Variants in CAST observed in about 807,000 individuals in gnomAD.
The protein encoded by CAST is calpastatin.
CAST carries 76 observed loss-of-function variants against 119.6 expected under a neutral mutation model. The ratio of observed to expected loss-of-function variants is 0.64; its 90% CI spans 0.53 to 0.77. The LOEUF (loss-of-function observed/expected upper bound fraction) is 0.77. Among genes scored for constraint, CAST ranks in the 30% least tolerant of loss-of-function variants. The pLI is 0.00. For synonymous variants in CAST, 319 were observed against 331.6 expected, an observed-to-expected ratio of 0.96 and a Z score of 0.41; for missense variants, 953 against 946.5, an observed-to-expected ratio of 1.01 and a Z score of -0.09.
the CAST span, among the ~76,000 whole-genome samples, chr5:96,348,008 G>A: frequency 6.6e-6 from 1 of 152,078 alleles, no homozygotes; most frequent in Admixed American, 6.6e-5. Context: ...GACAGAAATC[G>A]AGTTTCAAAA....
At chr5:96,275,206 A>T in the CAST span, among the ~76,000 whole-genome samples, 2 of 152,214 alleles carry the variant, frequency 1.3e-5, no homozygotes, top group Non-Finnish European at 2.9e-5. Flanking sequence ...GCCGTATTTG[A>T]ACTCATCCCC....
At chr5:96,472,167 C>T in the CAST span, among the ~76,000 whole-genome samples, 1 of 152,096 alleles carries the variant, frequency 6.6e-6, no homozygotes, top group Admixed American at 6.6e-5. Flanking sequence ...GTAGAAAGAC[C>T]TTTCAGCAGA....
At chr5:96,454,390 A>C in the CAST span, among the ~76,000 whole-genome samples, 1 of 152,234 alleles carries the variant, frequency 6.6e-6, no homozygotes, top group Non-Finnish European at 1.5e-5. Flanking sequence ...CTACACTGCT[A>C]CTTTTATGTT....
intron 4 of CAST, among the ~76,000 whole-genome samples, chr5:96,723,120 G>T (rs547031994): frequency 1.4e-4 from 21 of 151,656 alleles, no homozygotes; most frequent in South Asian, 4.2e-4. Context: ...TTGTTTTTTT[G>T]TTTGTTTGTT....
At chr5:96,768,365 T>G (rs769527218) in intron 29 of CAST, 2 of 453,474 alleles carry the variant, frequency 4.4e-6, no homozygotes, top group South Asian at 3.2e-5. Context: ...ATTACAGGCT[T>G]GAGCCACTGC....
chr5:96,245,688 G>T, the CAST span, among the ~76,000 whole-genome samples: 9 of 151,732 alleles, frequency 5.9e-5, no homozygotes, highest in Non-Finnish European at 5.9e-5. Flanking sequence ...AGCATAACTA[G>T]GCTTTGGTTC....
At chr5:96,340,206 G>A in the CAST span, among the ~76,000 whole-genome samples, 1 of 152,138 alleles carries the variant, frequency 6.6e-6, no homozygotes, top group Non-Finnish European at 1.5e-5. Context: ...TCTAATTTGC[G>A]CTGTTGTCTT....
At chr5:96,503,882 T>A in the CAST span, among the ~76,000 whole-genome samples, 13 of 152,030 alleles carry the variant, frequency 8.6e-5, no homozygotes, top group Non-Finnish European at 1.9e-4. Context: ...TTCCTGACAT[T>A]AACGAGCTTC....
the CAST span, among the ~76,000 whole-genome samples, chr5:96,225,666 G>A: frequency 6.6e-6 from 1 of 152,274 alleles, no homozygotes; most frequent in South Asian, 2.1e-4. Flanking sequence ...TTCTCTATCT[G>A]AGATGATTTT....
At chr5:96,077,051 C>G in the CAST span, among the ~76,000 whole-genome samples, 1 of 151,608 alleles carries the variant, frequency 6.6e-6, no homozygotes, top group Non-Finnish European at 1.5e-5. Flanking sequence ...GTCTTATTAA[C>G]AATTGCTTCT....
chr5:96,576,398 G>T (rs1275295457), intron 1 of CAST, among the ~76,000 whole-genome samples: 1 of 152,144 alleles, frequency 6.6e-6, no homozygotes. Flanking sequence ...AGGCTGGAGT[G>T]CAGTGGCACA....
At chr5:96,187,331 T>A in the CAST span, among the ~76,000 whole-genome samples, 2 of 152,176 alleles carry the variant, frequency 1.3e-5, no homozygotes, top group African/African-American at 2.4e-5. Context: ...GGGTTTTTCA[T>A]GTCTCTGTCT....
the CAST span, among the ~76,000 whole-genome samples, chr5:96,212,975 C>T: frequency 3.3e-5 from 5 of 151,940 alleles, no homozygotes; most frequent in African/African-American, 7.3e-5. Context: ...ATAAATTAGC[C>T]GGGCATGGTG....
chr5:96,540,378 T>G (rs1745890297), intron 1 of CAST, among the ~76,000 whole-genome samples: 1 of 152,148 alleles, frequency 6.6e-6, no homozygotes, highest in Admixed American at 6.5e-5. Flanking sequence ...TTTCAGATTT[T>G]GTATGTCTGA....
At chr5:96,289,249 T>G in the CAST span, among the ~76,000 whole-genome samples, 1 of 152,200 alleles carries the variant, frequency 6.6e-6, no homozygotes, top group Non-Finnish European at 1.5e-5. Context: ...TTGCCTTGTG[T>G]TCAACAAAGA....
At chr5:96,683,745 A>C (rs990691937) in intron 2 of CAST, among the ~76,000 whole-genome samples, 1 of 152,162 alleles carries the variant, frequency 6.6e-6, no homozygotes, top group Non-Finnish European at 1.5e-5. Context: ...TTATTTTCCT[A>C]TGTGGAATGT....
At chr5:96,291,992 A>G in the CAST span, among the ~76,000 whole-genome samples, 2 of 152,030 alleles carry the variant, frequency 1.3e-5, no homozygotes, top group Non-Finnish European at 2.9e-5. Context: ...TAGGCATTTG[A>G]AAGCCAAACC....
At chr5:96,342,383 T>C in the CAST span, among the ~76,000 whole-genome samples, 10 of 152,222 alleles carry the variant, frequency 6.6e-5, no homozygotes, top group African/African-American at 1.9e-4. Context: ...AACAGAGTGC[T>C]GGGCCCACCC....
intron 1 of CAST, among the ~76,000 whole-genome samples, chr5:96,639,208 GC>G (rs2150203014): frequency 1.3e-5 from 2 of 152,256 alleles, no homozygotes; most frequent in African/African-American, 4.8e-5. Flanking sequence ...GAACTACAGG[GC>G]CCCCCATACT....
Sources: gnomAD v4.1 joint callset for allele counts (sites outside exome capture counted in the v4.1 genomes callset) on GRCh38, gnomAD v4.1.1 for gene constraint, MANE v1.5 for transcripts, NCBI Gene and HGNC (gene_info 2026-07-23, HGNC 2026-07-21) for gene names.